The following SYTL5 variants were observed in gnomAD, a reference collection of about 807,000 sequenced individuals.
SYTL5 encodes the protein synaptotagmin-like protein 5.
In SYTL5, 34 loss-of-function variants were observed where a neutral mutation model predicts 55.9. The observed-to-expected ratio is 0.61, with a 90% CI of 0.46 to 0.81. The LOEUF is 0.81. SYTL5 is among the 30% of genes least tolerant of loss of function. SYTL5 has a pLI of 0.00. For synonymous variants in SYTL5, 221 were observed against 188.7 expected (o/e 1.17, Z -1.40); for missense variants, 637 against 546.7 (o/e 1.17, Z -1.65).
chrX:38,097,791 TTTAAAAACTTACTCTACAG>T (rs1391703792), intron 9 of SYTL5, among the ~76,000 whole-genome samples: 3 of 109,277 alleles, frequency 2.7e-5, no homozygotes, highest in Non-Finnish European at 5.8e-5. Context: ...TACTACTAGA[TTTAAAAACTTACTCTACAG>T]TTATAGCTAT....
chrX:38,080,326 T>C (rs1310433254), intron 6 of SYTL5, among the ~76,000 whole-genome samples: 1 of 112,287 alleles, frequency 8.9e-6, no homozygotes, highest in African/African-American at 3.2e-5. Context: ...AGCGTTTCTA[T>C]CATGTCATTG....
intron 3 of SYTL5, among the ~76,000 whole-genome samples, chrX:38,065,842 G>A (rs1273860368): frequency 3.6e-5 from 4 of 111,680 alleles, no homozygotes; most frequent in Non-Finnish European, 5.6e-5. Flanking sequence ...GCTCACACCT[G>A]TAATCCCAAC....
At chrX:37,937,828 T>G in the SYTL5 span, among the ~76,000 whole-genome samples, 8 of 112,476 alleles carry the variant, frequency 7.1e-5, no homozygotes, top group East Asian at 2.2e-3. Flanking sequence ...AACATGAAGA[T>G]GTCTATGACA....
At chrX:37,905,107 C>T in the SYTL5 span, among the ~76,000 whole-genome samples, 2 of 110,686 alleles carry the variant, frequency 1.8e-5, no homozygotes, top group Non-Finnish European at 3.8e-5. Flanking sequence ...ACATCTTGAC[C>T]GTCCCAACGA....
the SYTL5 span, among the ~76,000 whole-genome samples, chrX:37,939,861 C>A: frequency 9.0e-6 from 1 of 111,597 alleles, no homozygotes; most frequent in African/African-American, 3.3e-5. Context: ...GATAGAGTCT[C>A]CCTCTGTTGC....
In SYTL5 at chrX:38,033,966, A is replaced by G. The variant is rs1470985292; in HGVS notation, c.77A>G (p.Lys26Arg). 8.4e-7 allele frequency: 1 copy of G among 1,192,948 alleles called. No homozygotes were observed. The highest frequency in any genetic ancestry group is 1.1e-6 in the Non-Finnish European group (1 of 881,631). ...HEKEMILGVL[K>R]RDEYLKKVED... ...AAGGAAATGATCCTGGGCGTCCTAA[A>G]GAGAGATGAATATTTGAAAAAAGTG... Residue 26 changes from lysine (K) to arginine (R), a missense_variant, in exon 2 of 17, where the codon AAG becomes AGG. Physicochemically the swap from Lys to Arg is conservative, Grantham distance 26. Transcript: ENST00000297875.
the SYTL5 span, among the ~76,000 whole-genome samples, chrX:37,889,437 G>A: frequency 1.8e-5 from 2 of 111,287 alleles, no homozygotes; most frequent in African/African-American, 6.5e-5. Context: ...GTTTCCTATT[G>A]AAGTCTCATA....
the SYTL5 span, among the ~76,000 whole-genome samples, chrX:37,969,464 C>T: frequency 2.3e-3 from 260 of 111,471 alleles, 1 homozygote; most frequent in South Asian, 4.1e-3. Flanking sequence ...ACATCACTTC[C>T]ACATGACACA....
At chrX:38,017,110 G>T (rs1934379624) in intron 1 of SYTL5, among the ~76,000 whole-genome samples, 1 of 111,060 alleles carries the variant, frequency 9.0e-6, no homozygotes. Context: ...TGATGCGAGA[G>T]GTTGCCCATT....
intron 13 of SYTL5, among the ~76,000 whole-genome samples, chrX:38,110,683 G>A (rs779133938): frequency 8.9e-6 from 1 of 112,122 alleles, no homozygotes; most frequent in Non-Finnish European, 1.9e-5. Flanking sequence ...TAGATCATCT[G>A]TATAATGAAA....
chrX:37,937,425 T>C, the SYTL5 span, among the ~76,000 whole-genome samples: 26 of 111,196 alleles, frequency 2.3e-4, no homozygotes, highest in Non-Finnish European at 4.5e-4. Flanking sequence ...GGATGGCCTC[T>C]ACAAGCTGAG....
intron 7 of SYTL5, among the ~76,000 whole-genome samples, chrX:38,092,548 A>C (rs1234652114): frequency 9.0e-6 from 1 of 111,166 alleles, no homozygotes; most frequent in Admixed American, 9.5e-5. Context: ...GAAGAGAAAG[A>C]GTGAGCAGAC....
At chrX:38,002,802 C>T (rs1212053053), upstream of SYTL5, among the ~76,000 whole-genome samples, 2 of 111,564 alleles carry the variant, frequency 1.8e-5, no homozygotes, top group African/African-American at 6.5e-5. Context: ...AAAATTTTCT[C>T]CCATTCTGTA....
At chrX:38,109,031 G>C (rs1415767402) in intron 12 of SYTL5, among the ~76,000 whole-genome samples, 1 of 112,069 alleles carries the variant, frequency 8.9e-6, no homozygotes, top group Non-Finnish European at 1.9e-5. Context: ...CGTAAAAGAA[G>C]CTTGTCACAG....
intron 13 of SYTL5, among the ~76,000 whole-genome samples, chrX:38,119,505 C>A (rs751390300): frequency 8.9e-6 from 1 of 112,486 alleles, no homozygotes; most frequent in Non-Finnish European, 1.9e-5. Flanking sequence ...TTGCATTTAT[C>A]AATAGTCTAT....
chrX:38,094,410 CCTCT>C lies in SYTL5; in HGVS notation c.953_956del (p.Leu318ProfsTer9). 8.4e-7 allele frequency: 1 copy of C among 1,197,588 alleles called. No individual in the cohort carries two copies. On this transcript the variant is annotated frameshift_variant, in exon 8 of 17. Transcript: ENST00000297875. LOFTEE classifies it high-confidence loss of function. Reference sequence around the variant, plus strand: ...ACACCTTCCATAGCAGTGTCTGGAACCTCTCTCTCCTCAGGTGGGTATTTACAAT... The same window carrying C: ...ACACCTTCCATAGCAGTGTCTGGAACCTCTCCTCAGGTGGGTATTTACAAT...
At chrX:38,007,045 T>A (rs1164430629) in intron 1 of SYTL5, among the ~76,000 whole-genome samples, 1 of 111,341 alleles carries the variant, frequency 9.0e-6, no homozygotes, top group Non-Finnish European at 1.9e-5. Context: ...TTGCTATAAA[T>A]CTCTCACACC....
chrX:38,029,701 CTTTAT>C (rs1450273660), intron 1 of SYTL5, among the ~76,000 whole-genome samples: 1 of 112,099 alleles, frequency 8.9e-6, no homozygotes, highest in Non-Finnish European at 1.9e-5. Context: ...GACCAAATGT[CTTTAT>C]TTTATCAATA....
At chrX:37,920,579 C>T in the SYTL5 span, among the ~76,000 whole-genome samples, 2 of 111,344 alleles carry the variant, frequency 1.8e-5, no homozygotes, top group African/African-American at 6.5e-5. Flanking sequence ...TGGATGAGAT[C>T]AAGATAAAAC....
Sources: gnomAD v4.1 joint callset for allele counts (sites outside exome capture counted in the v4.1 genomes callset) on GRCh38, gnomAD v4.1.1 for gene constraint, MANE v1.5 for transcripts, NCBI Gene and HGNC (gene_info 2026-07-23, HGNC 2026-07-21) for gene names.